Variants in TM2D1 observed in about 807,000 individuals in gnomAD.
TM2D1 encodes TM2 domain containing 1, also known as TM2 domain-containing protein 1.
In TM2D1, 15 loss-of-function variants were observed where a neutral mutation model predicts 28.4. That is an observed-to-expected ratio of 0.53 (90% CI 0.35 to 0.81). The LOEUF is 0.81. TM2D1 is among the 40% of genes least tolerant of loss of function. The pLI is 0.01. For synonymous variants in TM2D1, 93 were observed against 96.2 expected, an observed-to-expected ratio of 0.97 and a Z score of 0.20; for missense variants, 236 against 254.9, an observed-to-expected ratio of 0.93 and a Z score of 0.50.
chr1:61,714,835 C>A (rs1219928315), intron 2 of TM2D1, among the ~76,000 whole-genome samples: 1 of 152,170 alleles, frequency 6.6e-6, no homozygotes, highest in Non-Finnish European at 1.5e-5. Flanking sequence ...AGCCACCATG[C>A]CCAGCCAACA....
chr1:61,691,932 A>AAAAAAAATATATATATATATATATAT, intron 5 of TM2D1, among the ~76,000 whole-genome samples: 2 of 76,400 alleles, frequency 2.6e-5, no homozygotes, highest in Admixed American at 1.7e-4. Flanking sequence ...AAAAAAAAAA[A>AAAAAAAATATATATATATATATATAT]ATATATATAT....
chr1:61,725,101 G>C lies in TM2D1; in HGVS notation c.20C>G (p.Ser7Cys), dbSNP rs1345440033. ...CACGGCCTCCGGAGCAGACGGACCAGACGGCCAGGCGGCCGCCATCTTGGA... is the reference window on the plus strand; with the variant it reads ...CACGGCCTCCGGAGCAGACGGACCACACGGCCAGGCGGCCGCCATCTTGGA... MAAAWP[S>C]GPSAPEAVTA... The change falls in exon 1 of 7, where the codon TCT (serine) becomes TGT (cysteine). Residue 7 changes from serine to cysteine, a missense_variant. Around this residue, in one of 3 missense-constraint regions of TM2D1, gnomAD observed 167 missense variants for 162.7 expected, o/e 1.03. Transcript: ENST00000606498. The C allele has an allele frequency of 6.2e-7, 1 of 1,613,654 alleles. No individual in the cohort carries two copies. The highest frequency in any genetic ancestry group is 1.7e-5 in the Admixed American group (1 of 60,032).
chr1:61,707,896 T>C (rs1344941071), intron 3 of TM2D1, among the ~76,000 whole-genome samples: 1 of 152,076 alleles, frequency 6.6e-6, no homozygotes, highest in African/African-American at 2.4e-5. Flanking sequence ...CAAAACTAAG[T>C]GCCATCAAAT....
At chr1:61,705,973 C>T (rs762612205) in intron 3 of TM2D1, among the ~76,000 whole-genome samples, 11 of 152,084 alleles carry the variant, frequency 7.2e-5, no homozygotes, top group Non-Finnish European at 1.6e-4. Context: ...AAACAATATG[C>T]TAACAGGAGT....
intron 2 of TM2D1, among the ~76,000 whole-genome samples, chr1:61,721,057 C>G (rs1371848358): frequency 1.3e-5 from 2 of 151,738 alleles, no homozygotes; most frequent in Non-Finnish European, 2.9e-5. Flanking sequence ...CATCGCTACT[C>G]ACCCCTCCAA....
intron 1 of TM2D1, 105 bp downstream of exon 1, chr1:61,724,852 A>C: frequency 1.6e-6 from 2 of 1,236,982 alleles, no homozygotes; most frequent in Non-Finnish European, 2.2e-6. Context: ...AGATCAGATT[A>C]TCGTTTTCAC....
chr1:61,701,560 T>C (rs1644401980), intron 3 of TM2D1, among the ~76,000 whole-genome samples: 1 of 126,332 alleles, frequency 7.9e-6, no homozygotes. Flanking sequence ...CTCTTTCGTG[T>C]GTGTGTGTGT....
chr1:61,684,931 T>C (rs187693786), intron 5 of TM2D1, among the ~76,000 whole-genome samples: 16 of 152,210 alleles, frequency 1.1e-4, no homozygotes, highest in African/African-American at 3.6e-4. Context: ...GTGGGCGCCA[T>C]CACGCCCAGC....
At chr1:61,716,527 A>T (rs1056857105) in intron 2 of TM2D1, among the ~76,000 whole-genome samples, 2 of 145,842 alleles carry the variant, frequency 1.4e-5, no homozygotes, top group African/African-American at 2.5e-5. Context: ...GTATATAATT[A>T]TATATGTGTA....
intron 2 of TM2D1, among the ~76,000 whole-genome samples, chr1:61,709,842 G>C (rs1324000363): frequency 6.6e-6 from 1 of 152,156 alleles, no homozygotes; most frequent in Non-Finnish European, 1.5e-5. Flanking sequence ...CATAATCTGA[G>C]TTTGTATTTT....
intron 2 of TM2D1, among the ~76,000 whole-genome samples, chr1:61,713,488 CAAAAAA>C (rs369601221): frequency 2.2e-5 from 2 of 91,394 alleles, no homozygotes; most frequent in South Asian, 4.1e-4. Context: ...AACTCAAAAA[CAAAAAA>C]AAAAAAAAAA....
In TM2D1 at chr1:61,725,073, C is replaced by G. The variant is rs375009488; in HGVS notation, c.48G>C (p.Thr16=). The G allele has an allele frequency of 6.2e-7, 1 of 1,613,808 alleles. No individual in the cohort carries two copies. The highest frequency in any genetic ancestry group is 1.3e-5 in the African/African-American group (1 of 74,958). ...PSGPSAPEAV[T]ARLVGVLWFV... is the part of the protein sequence containing the mutation. The stretch of plus-strand genomic sequence containing the variant: ...ACCACAGGACACCAACGAGTCTGGC[C>G]GTCACGGCCTCCGGAGCAGACGGAC... The change falls in exon 1 of 7, where the codon ACG becomes ACC. Residue 16 remains threonine (T), a synonymous_variant. Coordinates refer to ENST00000606498, the MANE Select transcript of TM2D1 (RefSeq NM_032027.3).
intron 5 of TM2D1, among the ~76,000 whole-genome samples, chr1:61,684,682 T>TAAC (rs10638702): frequency 0.94 from 142,727 of 152,220 alleles, 66,976 homozygotes; most frequent in South Asian, 0.96. Flanking sequence ...ATCATTATTA[T>TAAC]AACAAGTTGA....
intron 6 of TM2D1, among the ~76,000 whole-genome samples, chr1:61,682,906 A>AG (rs1644255346): frequency 6.6e-6 from 1 of 151,652 alleles, no homozygotes; most frequent in African/African-American, 2.4e-5. Context: ...AAAAAAAAAA[A>AG]AAAAGAAAAA....
intron 2 of TM2D1, among the ~76,000 whole-genome samples, chr1:61,716,536 TATA>T (rs1224056704): frequency 1.4e-5 from 2 of 140,768 alleles, no homozygotes; most frequent in African/African-American, 2.8e-5. Flanking sequence ...TATATATGTG[TATA>T]ATTTTATATA....
intron 5 of TM2D1, among the ~76,000 whole-genome samples, chr1:61,689,665 A>G (rs1461441255): frequency 6.6e-6 from 1 of 152,152 alleles, no homozygotes; most frequent in African/African-American, 2.4e-5. Context: ...TCATCTGGAA[A>G]TATTTTGTTT....
intron 5 of TM2D1, among the ~76,000 whole-genome samples, chr1:61,688,315 G>A (rs1570095102): frequency 6.6e-6 from 1 of 151,700 alleles, no homozygotes; most frequent in East Asian, 1.9e-4. Flanking sequence ...TCACATGACA[G>A]AGTAAAAGTT....
At chr1:61,691,932 A>AAAAAAT in intron 5 of TM2D1, among the ~76,000 whole-genome samples, 8 of 76,402 alleles carry the variant, frequency 1.0e-4, no homozygotes, top group East Asian at 9.5e-4. Context: ...AAAAAAAAAA[A>AAAAAAT]ATATATATAT....
chr1:61,721,884 A>G (rs1198419591), intron 2 of TM2D1, among the ~76,000 whole-genome samples: 1 of 149,522 alleles, frequency 6.7e-6, no homozygotes, highest in Non-Finnish European at 1.5e-5. Context: ...CCAAAGCAAG[A>G]GAACTGCTTG....
Sources: gnomAD v4.1 joint callset for allele counts (sites outside exome capture counted in the v4.1 genomes callset) on GRCh38, gnomAD v4.1.1 for gene constraint, gnomAD v4.1.1 regional missense constraint, MANE v1.5 for transcripts, NCBI Gene and HGNC (gene_info 2026-07-23, HGNC 2026-07-21) for gene names.